MED13L: variants seen among roughly 807,000 people sequenced by gnomAD.
MED13L encodes the protein mediator of RNA polymerase II transcription subunit 13-like.
Under a neutral mutation model 220.9 loss-of-function variants are expected in MED13L, and 7 were observed. That is an observed-to-expected ratio of 0.03 (90% confidence interval 0.02 to 0.06). MED13L has a LOEUF of 0.06. MED13L is among the 10% of genes least tolerant of loss of function. MED13L has a pLI of 1.00. For missense variants in MED13L, 1,965 were observed against 2,760.5 expected, an observed-to-expected ratio of 0.71 and a Z score of 6.46; for synonymous variants, 1,011 against 1,015.2, an observed-to-expected ratio of 1.00 and a Z score of 0.08.
At chr12:116,012,699 T>G (rs964311183) in intron 9 of MED13L, 98 bp downstream of exon 9, 9 of 887,614 alleles carry the variant, frequency 1.0e-5, no homozygotes, top group Middle Eastern at 2.1e-4. Context: ...TGGAGGAGAA[T>G]GGAGAATCAG....
At chr12:116,204,635 C>G (rs1016663851) in intron 2 of MED13L, among the ~76,000 whole-genome samples, 2 of 152,156 alleles carry the variant, frequency 1.3e-5, no homozygotes, top group African/African-American at 2.4e-5. Context: ...TAGTTGCTAT[C>G]TGGTCATTCT....
Position 116,132,787 on chromosome 12 carries a change from G to A in MED13L, c.311-21275C>T, listed in dbSNP as rs560232127. On this transcript the variant is annotated intron_variant, in intron 2 of 30. Coordinates refer to ENST00000281928, the MANE Select transcript of MED13L (RefSeq NM_015335.5). ...ATACAAAAATTAGCCGGGTGTGGTG[G>A]TGTGTGCCTGTAATCCCAGTTATTC... Among the ~76,000 whole-genome samples, 8 of 152,148 alleles carry A rather than the reference G, an allele frequency of 5.3e-5. No homozygotes were observed. The East Asian group carries it at 1.5e-3, about 29-fold the overall frequency.
intron 1 of MED13L, among the ~76,000 whole-genome samples, chr12:116,255,328 A>T (rs1871944647): frequency 6.6e-6 from 1 of 152,242 alleles, no homozygotes; most frequent in Non-Finnish European, 1.5e-5. Context: ...CGTATGCAAA[A>T]CAAAACCAGA....
At chr12:116,276,647 A>G (rs1365829141) in intron 1 of MED13L, 15 of 1,196,140 alleles carry the variant, frequency 1.3e-5, no homozygotes. Flanking sequence ...AGCTGATCCA[A>G]CAACGGGGGA....
At position 116,225,946 on chromosome 12, in the gene MED13L, AAT is replaced by A. The variant is rs1334248793; in HGVS notation, c.310+11520_310+11521del. On this transcript the variant is annotated intron_variant, in intron 2 of 30. Coordinates refer to ENST00000281928, the MANE Select transcript of MED13L (RefSeq NM_015335.5). The stretch of plus-strand genomic sequence containing the variant: ...AATATTTTGCATATGACATTATATA[AAT>A]ATGAGGAAAAGACTAACAACAGATT... Among the ~76,000 whole-genome samples, 3 of 152,328 alleles carry A rather than the reference AAT, an allele frequency of 2.0e-5. No homozygotes were observed. In the South Asian group the frequency reaches 6.2e-4, roughly 32 times the overall value.
intron 1 of MED13L, among the ~76,000 whole-genome samples, chr12:116,240,543 T>A (rs1400317233): frequency 6.6e-6 from 1 of 151,404 alleles, no homozygotes; most frequent in African/African-American, 2.4e-5. Context: ...TTTATTTTTT[T>A]TTTTTTGGAG....
At chr12:116,266,009 T>C (rs576788565) in intron 1 of MED13L, among the ~76,000 whole-genome samples, 4 of 152,354 alleles carry the variant, frequency 2.6e-5, no homozygotes, top group Admixed American at 1.3e-4. Flanking sequence ...AATTAAATAG[T>C]GCATGCAGAT....
chr12:116,112,715 G>C (rs1249461898), intron 2 of MED13L, among the ~76,000 whole-genome samples: 3 of 152,190 alleles, frequency 2.0e-5, no homozygotes, highest in Non-Finnish European at 4.4e-5. Context: ...GCTAACAAAT[G>C]ATAGTCTTTG....
intron 2 of MED13L, among the ~76,000 whole-genome samples, chr12:116,137,585 T>C (rs1029674282): frequency 1.3e-5 from 2 of 152,108 alleles, no homozygotes; most frequent in Non-Finnish European, 2.9e-5. Context: ...AATTTTGAAG[T>C]ACTCATAAAT....
chr12:116,203,803 AGAGT>A lies in MED13L; in HGVS notation c.310+33661_310+33664del, dbSNP rs748127826. 1.5e-4 allele frequency among the ~76,000 whole-genome samples: 23 copies of A among 152,310 alleles called. No homozygotes were observed. The South Asian group carries it at 2.3e-3, about 15-fold the overall frequency. ...GCCACTGCACTCCAGCCTGGGCAAT[AGAGT>A]GAGACTCCATCTCAAAAAAACACAA... is the stretch of plus-strand genomic sequence containing the variant. On this transcript the variant is annotated intron_variant, in intron 2 of 30. Transcript: ENST00000281928.
At chr12:116,138,009 A>C (rs940456362) in intron 2 of MED13L, among the ~76,000 whole-genome samples, 1 of 151,972 alleles carries the variant, frequency 6.6e-6, no homozygotes, top group Non-Finnish European at 1.5e-5. Flanking sequence ...GGCGCCTGCC[A>C]CTACATCCGG....
chr12:116,091,115 T>C (rs1475141943), intron 4 of MED13L, among the ~76,000 whole-genome samples: 1 of 105,280 alleles, frequency 9.5e-6, no homozygotes, highest in Non-Finnish European at 1.8e-5. Context: ...AGCGGAACTC[T>C]GTCTCAAAAA....
At chr12:116,171,520 T>C (rs951520074) in intron 2 of MED13L, among the ~76,000 whole-genome samples, 1 of 152,234 alleles carries the variant, frequency 6.6e-6, no homozygotes, top group African/African-American at 2.4e-5. Flanking sequence ...CAAATCCAGT[T>C]GCTTTAACCA....
chr12:116,142,042 G>A (rs1340039741), intron 2 of MED13L, among the ~76,000 whole-genome samples: 1 of 151,928 alleles, frequency 6.6e-6, no homozygotes, highest in South Asian at 2.1e-4. Flanking sequence ...ATGCTCTTCT[G>A]ACAGATATCC....
chr12:116,246,089 G>T (rs1871073423), intron 1 of MED13L, among the ~76,000 whole-genome samples: 1 of 151,914 alleles, frequency 6.6e-6, no homozygotes, highest in Admixed American at 6.6e-5. Context: ...CAAGCAAGAA[G>T]GCAAAGGTGC....
At chr12:116,228,766 C>T (rs1214283036) in intron 2 of MED13L, among the ~76,000 whole-genome samples, 1 of 152,140 alleles carries the variant, frequency 6.6e-6, no homozygotes, top group Non-Finnish European at 1.5e-5. Flanking sequence ...ATAATTCTTT[C>T]TCGAATTATT....
chr12:116,018,902 A>C (rs1004164830), intron 7 of MED13L, among the ~76,000 whole-genome samples: 1 of 141,582 alleles, frequency 7.1e-6, no homozygotes. Context: ...AAAATTAAAA[A>C]AAAAAAAAAC....
At chr12:116,115,759 T>C (rs1004390984) in intron 2 of MED13L, among the ~76,000 whole-genome samples, 12 of 152,122 alleles carry the variant, frequency 7.9e-5, no homozygotes, top group Admixed American at 6.5e-5. Flanking sequence ...TATGAAAAAG[T>C]GCTCAACACC....
At chr12:116,203,532 G>C (rs1029333836) in intron 2 of MED13L, among the ~76,000 whole-genome samples, 6 of 152,032 alleles carry the variant, frequency 3.9e-5, no homozygotes, top group African/African-American at 7.2e-5. Context: ...CAAAAGACAA[G>C]AGTGAGGCTG....
Sources: allele counts gnomAD v4.1 joint callset (sites outside exome capture counted in the v4.1 genomes callset), GRCh38; gene constraint gnomAD v4.1.1; transcripts MANE v1.5; gene names NCBI Gene and HGNC (gene_info 2026-07-23, HGNC 2026-07-21).